STAG1: variants seen among roughly 807,000 people sequenced by gnomAD.
STAG1 encodes the protein STAG1 cohesin complex component.
STAG1 carries 26 observed loss-of-function variants against 170.9 expected under a neutral mutation model. The observed-to-expected ratio is 0.15, with a 90% CI of 0.11 to 0.21. STAG1 has a LOEUF of 0.21. STAG1 is among the 10% of genes least tolerant of loss of function. The pLI, the probability that STAG1 is intolerant of heterozygous loss-of-function variation, is 1.00. For synonymous variants in STAG1, 514 were observed against 497.7 expected (o/e 1.03, Z -0.44); for missense variants, 964 against 1,509.5 (o/e 0.64, Z 5.99).
chr3:136,380,658 T>C (rs1937904693), intron 22 of STAG1, among the ~76,000 whole-genome samples: 1 of 152,152 alleles, frequency 6.6e-6, no homozygotes, highest in Non-Finnish European at 1.5e-5. Context: ...AGCCTGTTGA[T>C]GATTACTCCT....
In STAG1 at chr3:136,443,362, T is replaced by C; in HGVS notation, c.1471A>G (p.Ser491Gly). 6.2e-7 allele frequency: 1 copy of C among 1,613,816 alleles called. No individual in the cohort carries two copies. The highest frequency in any genetic ancestry group is 8.5e-7 in the Non-Finnish European group (1 of 1,179,926). ...AAYLVDSLWESSQELLKDWEC... is the reference protein window; with the variant it reads ...AAYLVDSLWEGSQELLKDWEC... Reference sequence around the variant, plus strand: ...CAGTCTTTCAACAGTTCTTGAGAGCTCTCCCATAAACTGTCCACCAAGTAG... The same window carrying C: ...CAGTCTTTCAACAGTTCTTGAGAGCCCTCCCATAAACTGTCCACCAAGTAG... The change falls in exon 15 of 34, where the codon AGC becomes GGC. Residue 491 changes from serine to glycine, a missense_variant. By Grantham distance (56) the Ser-to-Gly change is moderately conservative (BLOSUM62 0). Transcript: ENST00000383202.
intron 22 of STAG1, among the ~76,000 whole-genome samples, chr3:136,379,581 T>G (rs530886005): frequency 6.6e-6 from 1 of 152,002 alleles, no homozygotes; most frequent in Non-Finnish European, 1.5e-5. Context: ...TGGTGGTGCA[T>G]GCCTGTAATC....
In STAG1 at chr3:136,463,738, T is replaced by TGTGC. The variant is rs1338773117; in HGVS notation, c.1313+1142_1313+1143insGCAC. ...CTAAAAAAAAAAAAATGTGTATATGTGTGTGTGTGTGTGTGTGTGTGTGTG... is the reference window on the plus strand; with the variant it reads ...CTAAAAAAAAAAAAATGTGTATATGTGTGCGTGTGTGTGTGTGTGTGTGTGTGTG... On this transcript the variant is annotated intron_variant, in intron 13 of 33. Transcript: ENST00000383202. Among the ~76,000 whole-genome samples, 9 of 59,370 alleles carry TGTGC rather than the reference T, an allele frequency of 1.5e-4. No individual in the cohort carries two copies. In the East Asian group the frequency reaches 5.5e-3, roughly 36 times the overall value. The allele number at this position is 59,370 out of a possible 152,430, so 38.9% of individuals were successfully genotyped here.
chr3:136,596,349 A>G (rs1454639858), intron 4 of STAG1, among the ~76,000 whole-genome samples: 1 of 152,164 alleles, frequency 6.6e-6, no homozygotes, highest in Non-Finnish European at 1.5e-5. Flanking sequence ...AAAGATTATG[A>G]CTCACTGAAG....
chr3:136,415,535 T>C (rs1025548794), intron 21 of STAG1, among the ~76,000 whole-genome samples: 3 of 152,092 alleles, frequency 2.0e-5, no homozygotes, highest in African/African-American at 7.2e-5. Flanking sequence ...GCTTGCATGG[T>C]TGTATTAAGA....
At chr3:136,669,358 CTTCT>C (rs1462645420) in intron 1 of STAG1, among the ~76,000 whole-genome samples, 2 of 151,786 alleles carry the variant, frequency 1.3e-5, no homozygotes, top group African/African-American at 2.4e-5. Flanking sequence ...AATTTTCTTT[CTTCT>C]TTCTTTTTTG....
intron 22 of STAG1, among the ~76,000 whole-genome samples, chr3:136,382,801 CTAAA>C (rs1560075101): frequency 6.6e-6 from 1 of 152,098 alleles, no homozygotes; most frequent in Non-Finnish European, 1.5e-5. Context: ...TGGATGCAAA[CTAAA>C]TATTATTTGA....
intron 6 of STAG1, among the ~76,000 whole-genome samples, chr3:136,525,242 G>A (rs143513266): frequency 9.3e-4 from 142 of 152,212 alleles, no homozygotes; most frequent in African/African-American, 3.1e-3. Context: ...TTTTTGGTTG[G>A]TAGGCTATTA....
At chr3:136,415,419 G>A (rs1321121136) in intron 21 of STAG1, among the ~76,000 whole-genome samples, 2 of 152,170 alleles carry the variant, frequency 1.3e-5, no homozygotes, top group East Asian at 3.8e-4. Context: ...GCACAACTGA[G>A]GGTCAACAGT....
At chr3:136,560,927 G>A (rs1052206593) in intron 5 of STAG1, among the ~76,000 whole-genome samples, 6 of 152,044 alleles carry the variant, frequency 3.9e-5, no homozygotes, top group African/African-American at 9.7e-5. Flanking sequence ...AACTTGGGTG[G>A]GGACGGGGCG....
At chr3:136,462,899 T>A (rs897285258) in intron 13 of STAG1, among the ~76,000 whole-genome samples, 4 of 152,050 alleles carry the variant, frequency 2.6e-5, no homozygotes, top group African/African-American at 4.8e-5. Context: ...AACTCAAGAG[T>A]TACCAGTTTA....
At chr3:136,378,215 G>C (rs1027065827) in intron 22 of STAG1, among the ~76,000 whole-genome samples, 13 of 152,202 alleles carry the variant, frequency 8.5e-5, no homozygotes, top group Admixed American at 6.5e-4. Context: ...CCCTCAAATA[G>C]TTAACATTCT....
chr3:136,588,949 G>A (rs1937995676), intron 4 of STAG1, among the ~76,000 whole-genome samples: 1 of 152,066 alleles, frequency 6.6e-6, no homozygotes, highest in African/African-American at 2.4e-5. Flanking sequence ...TTTTAGCAGA[G>A]AAGGGGTTTC....
intron 1 of STAG1, among the ~76,000 whole-genome samples, chr3:136,695,332 G>C (rs1183679445): frequency 6.6e-6 from 1 of 152,028 alleles, no homozygotes; most frequent in Non-Finnish European, 1.5e-5. Flanking sequence ...AGCTACTCAG[G>C]AGGTTGAGGC....
At chr3:136,433,313 T>C (rs553899249) in intron 16 of STAG1, among the ~76,000 whole-genome samples, 6 of 151,906 alleles carry the variant, frequency 3.9e-5, no homozygotes, top group East Asian at 3.9e-4. Flanking sequence ...AAAATATATA[T>C]ATATATAAAA....
chr3:136,740,822 G>A (rs895341287), intron 1 of STAG1, among the ~76,000 whole-genome samples: 6 of 152,260 alleles, frequency 3.9e-5, no homozygotes, highest in South Asian at 2.1e-4. Context: ...GAACAAAGAC[G>A]TGGGGAAAGA....
chr3:136,682,227 T>C (rs1459942562), intron 1 of STAG1, among the ~76,000 whole-genome samples: 1 of 151,686 alleles, frequency 6.6e-6, no homozygotes. Flanking sequence ...AAGTTCAAGA[T>C]CAGCCTGGGA....
At chr3:136,685,160 C>G (rs1335618687) in intron 1 of STAG1, among the ~76,000 whole-genome samples, 1 of 151,890 alleles carries the variant, frequency 6.6e-6, no homozygotes, top group East Asian at 1.9e-4. Context: ...ACTAAAAATA[C>G]AAAAAATTAG....
At chr3:136,534,415 A>G in intron 6 of STAG1, among the ~76,000 whole-genome samples, 1 of 152,182 alleles carries the variant, frequency 6.6e-6, no homozygotes, top group East Asian at 1.9e-4. Context: ...CAAACAAGAT[A>G]CATTAAACTA....
Sources: gnomAD v4.1 joint callset for allele counts (sites outside exome capture counted in the v4.1 genomes callset) on GRCh38, gnomAD v4.1.1 for gene constraint, MANE v1.5 for transcripts, NCBI Gene and HGNC (gene_info 2026-07-23, HGNC 2026-07-21) for gene names.